CAMK1D: variants seen among roughly 807,000 people sequenced by gnomAD.
CAMK1D encodes calcium/calmodulin-dependent protein kinase type 1D.
CAMK1D carries 9 observed loss-of-function variants against 47.7 expected under a neutral mutation model. The ratio of observed to expected loss-of-function variants is 0.19; its 90% CI spans 0.11 to 0.33. CAMK1D has a LOEUF of 0.33. Among genes scored for constraint, CAMK1D ranks in the 10% least tolerant of loss-of-function variants. CAMK1D has a pLI of 1.00. For missense variants in CAMK1D, 291 were observed against 488.7 expected, an observed-to-expected ratio of 0.60 and a Z score of 3.81; for synonymous variants, 184 against 184.9, an observed-to-expected ratio of 0.99 and a Z score of 0.04.
At chr10:12,370,576 G>T (rs554951808) in intron 1 of CAMK1D, among the ~76,000 whole-genome samples, 1 of 152,042 alleles carries the variant, frequency 6.6e-6, no homozygotes, top group African/African-American at 2.4e-5. Flanking sequence ...TGATGATCCC[G>T]ATCCTGTGTT....
rs1839205624 is a variant in CAMK1D at position 12,401,274 on chromosome 10, TA to T, written c.92+51365del. On this transcript the variant is annotated intron_variant, in intron 1 of 10. Transcript: ENST00000619168. The stretch of plus-strand genomic sequence containing the variant: ...TAATATATGTATTATATATATTATG[TA>T]TATATTTTATATATATATAATATAT... Among the ~76,000 whole-genome samples, 5 of 45,740 alleles carry T rather than the reference TA, an allele frequency of 1.1e-4. 2 individuals carry two copies. Among genetic ancestry groups the T allele is most frequent in the African/African-American group, 4.6e-4 (5 of 10,944 alleles). The allele number at this position is 45,740 out of a possible 152,430, so 30.0% of individuals were successfully genotyped here.
rs531463271 is a variant in CAMK1D at position 12,787,737 on chromosome 10, C to T, written c.566-3421C>T. Among the ~76,000 whole-genome samples, 43 of 152,360 alleles carry T rather than the reference C, an allele frequency of 2.8e-4. 1 individual carries two copies. The South Asian group carries it at 7.5e-3, about 26-fold the overall frequency. ...TCACCAGAGGCCGGGCGCGGTGGCT[C>T]ACGCCTGTAATCCCAGCACTTTGGG... On this transcript the variant is annotated intron_variant, in intron 5 of 10. Transcript: ENST00000619168.
chr10:12,782,981 G>GTTTTTTTTTTT (rs869155068), intron 5 of CAMK1D, among the ~76,000 whole-genome samples: 1 of 134,852 alleles, frequency 7.4e-6, no homozygotes, highest in African/African-American at 2.8e-5. Flanking sequence ...AGTATTTTCA[G>GTTTTTTTTTTT]TTTTTTTTTT....
chr10:12,797,839 A>AG (rs1301607564), intron 6 of CAMK1D, among the ~76,000 whole-genome samples: 1 of 152,156 alleles, frequency 6.6e-6, no homozygotes, highest in African/African-American at 2.4e-5. Context: ...AGCTGAGGCA[A>AG]GGGACTTGAG....
chr10:12,390,815 C>G (rs1029565858), intron 1 of CAMK1D, among the ~76,000 whole-genome samples: 1 of 152,134 alleles, frequency 6.6e-6, no homozygotes, highest in Non-Finnish European at 1.5e-5. Flanking sequence ...CCTATCCAAG[C>G]CTGGAATACG....
At chr10:12,826,972 G>A (rs937984311) in intron 10 of CAMK1D, among the ~76,000 whole-genome samples, 3 of 152,332 alleles carry the variant, frequency 2.0e-5, no homozygotes, top group African/African-American at 7.2e-5. Flanking sequence ...GCTCAGTGGC[G>A]GCTGAGGCCT....
chr10:12,667,481 T>C (rs1840470668), intron 3 of CAMK1D, among the ~76,000 whole-genome samples: 1 of 152,196 alleles, frequency 6.6e-6, no homozygotes, highest in Non-Finnish European at 1.5e-5. Flanking sequence ...TTAGCTGAAA[T>C]TAGCCTCCCT....
At chr10:12,629,115 C>CT (rs1005334941) in intron 2 of CAMK1D, among the ~76,000 whole-genome samples, 11 of 152,280 alleles carry the variant, frequency 7.2e-5, no homozygotes, top group African/African-American at 2.6e-4. Flanking sequence ...TGCCAGCATT[C>CT]TGGGAGCTGA....
intron 2 of CAMK1D, among the ~76,000 whole-genome samples, chr10:12,623,691 A>G (rs770228469): frequency 6.6e-6 from 1 of 151,732 alleles, no homozygotes; most frequent in Non-Finnish European, 1.5e-5. Context: ...TGAGTGACAC[A>G]CATTTTACAT....
intron 1 of CAMK1D, among the ~76,000 whole-genome samples, chr10:12,529,004 G>A (rs1057143361): frequency 1.3e-5 from 2 of 151,564 alleles, no homozygotes; most frequent in African/African-American, 4.9e-5. Context: ...TGCCCAGGCT[G>A]GTCTTGAACT....
At chr10:12,368,487 ATCCTAACTGTG>A (rs1302953185) in intron 1 of CAMK1D, among the ~76,000 whole-genome samples, 1 of 152,200 alleles carries the variant, frequency 6.6e-6, no homozygotes, top group Non-Finnish European at 1.5e-5. Flanking sequence ...TGAAGTTCAA[ATCCTAACTGTG>A]TCATTCAGGA....
At position 12,829,732 on chromosome 10, in the gene CAMK1D, C is replaced by CAAA. The variant is rs33936519; in HGVS notation, c.*860_*862dup. ...TGGGTGACAGAGCAAGACTCTGTCT[C>CAAA]AAAAAAAAAAAAAAAAATTCTAACA... On this transcript the variant is annotated 3_prime_UTR_variant, in exon 11 of 11. Transcript: ENST00000619168. The CAAA allele has an allele frequency of 1.7e-3, 211 of 125,980 alleles. 1 individual carries two copies. The highest frequency in any genetic ancestry group is 9.0e-3 in the East Asian group (38 of 4,238). The allele number at this position is 125,980 out of a possible 1,614,324, so 7.8% of individuals were successfully genotyped here.
At chr10:12,605,930 T>A (rs1838445458) in intron 2 of CAMK1D, among the ~76,000 whole-genome samples, 1 of 151,396 alleles carries the variant, frequency 6.6e-6, no homozygotes, top group East Asian at 1.9e-4. Context: ...AGATGATCTG[T>A]GGGGCATGTT....
At chr10:12,810,758 G>A (rs906582856) in intron 6 of CAMK1D, among the ~76,000 whole-genome samples, 5 of 152,202 alleles carry the variant, frequency 3.3e-5, no homozygotes, top group African/African-American at 4.8e-5. Flanking sequence ...CCTCCCTTTA[G>A]TGCATGAGCA....
In CAMK1D at chr10:12,820,080, G is replaced by A. The variant is rs117335434; in HGVS notation, c.833+3752G>A. ...GAGGTGGTGGGAGCCTCACTCTGTC[G>A]CCAGGCTAGAGTGCGGTGGCGCGAT... On this transcript the variant is annotated intron_variant, in intron 8 of 10. Coordinates refer to ENST00000619168, the MANE Select transcript of CAMK1D (RefSeq NM_153498.4). 4.1e-4 allele frequency among the ~76,000 whole-genome samples: 62 copies of A among 152,270 alleles called. 1 individual carries two copies. In the East Asian group the frequency reaches 8.9e-3, roughly 22 times the overall value.
chr10:12,693,963 T>A (rs1431100352), intron 3 of CAMK1D, among the ~76,000 whole-genome samples: 8 of 37,084 alleles, frequency 2.2e-4, no homozygotes, highest in Admixed American at 9.9e-4. Flanking sequence ...ATATTATATA[T>A]AAAATATATA....
At chr10:12,369,156 T>C (rs1011635631) in intron 1 of CAMK1D, among the ~76,000 whole-genome samples, 1 of 152,128 alleles carries the variant, frequency 6.6e-6, no homozygotes, top group Non-Finnish European at 1.5e-5. Context: ...GCTTTTGTTA[T>C]TGCAACAAAA....
At position 12,621,167 on chromosome 10, in the gene CAMK1D, C is replaced by T. The variant is rs139088252; in HGVS notation, c.225-45569C>T. ...TCAGTCTGTGTGTCTATCCCCCTAACAGTACCACACTGTCTGATTACTGTA... is the reference window on the plus strand; with the variant it reads ...TCAGTCTGTGTGTCTATCCCCCTAATAGTACCACACTGTCTGATTACTGTA... On this transcript the variant is annotated intron_variant, in intron 2 of 10. Transcript: ENST00000619168. Among the ~76,000 whole-genome samples, 214 of 152,348 alleles carry T rather than the reference C, an allele frequency of 1.4e-3. 1 individual carries two copies. Among genetic ancestry groups the T allele is most frequent in the African/African-American group, 5.0e-3 (207 of 41,580 alleles).
chr10:12,785,077 C>T (rs531545310), intron 5 of CAMK1D, among the ~76,000 whole-genome samples: 1 of 152,276 alleles, frequency 6.6e-6, no homozygotes, highest in African/African-American at 2.4e-5. Context: ...ACAGCCGCCC[C>T]CACGCTAACC....
Sources: allele counts gnomAD v4.1 joint callset (sites outside exome capture counted in the v4.1 genomes callset), GRCh38; gene constraint gnomAD v4.1.1; transcripts MANE v1.5; gene names NCBI Gene and HGNC (gene_info 2026-07-23, HGNC 2026-07-21).